Variants in MNS1 observed in about 807,000 individuals in gnomAD.
The protein encoded by MNS1 is meiosis specific nuclear structural 1.
A neutral mutation model predicts 72.0 loss-of-function variants in MNS1; 63 were observed. The ratio of observed to expected loss-of-function variants is 0.87; its 90% CI spans 0.71 to 1.08. MNS1 has a LOEUF of 1.08. Ranked by LOEUF, MNS1 falls within the 50% of genes least tolerant of loss-of-function variation. The pLI is 0.00. For missense variants in MNS1, 604 were observed against 562.4 expected (o/e 1.07, Z -0.75); for synonymous variants, 188 against 172.1 (o/e 1.09, Z -0.72).
intron 8 of MNS1, among the ~76,000 whole-genome samples, chr15:56,433,832 C>T (rs1186028798): frequency 2.0e-5 from 3 of 152,142 alleles, no homozygotes; most frequent in Non-Finnish European, 2.9e-5. Flanking sequence ...CCTATTATCA[C>T]ATGTACATGA....
intron 2 of MNS1, among the ~76,000 whole-genome samples, chr15:56,462,698 A>T (rs2051031083): frequency 6.6e-6 from 1 of 152,242 alleles, no homozygotes; most frequent in African/African-American, 2.4e-5. Context: ...AATACACCGT[A>T]TGAATGTTCC....
intron 2 of MNS1, among the ~76,000 whole-genome samples, chr15:56,458,385 C>T (rs542256999): frequency 6.6e-6 from 1 of 152,290 alleles, no homozygotes; most frequent in South Asian, 2.1e-4. Context: ...GCTCAGCTTC[C>T]CCTTCTATCA....
At chr15:56,442,639 T>C (rs1257445425) in intron 7 of MNS1, among the ~76,000 whole-genome samples, 1 of 152,182 alleles carries the variant, frequency 6.6e-6, no homozygotes, top group Non-Finnish European at 1.5e-5. Context: ...AATGCAGGGA[T>C]AGAAAACCAA....
At chr15:56,445,514 T>C (rs2050891884) in intron 4 of MNS1, among the ~76,000 whole-genome samples, 1 of 152,168 alleles carries the variant, frequency 6.6e-6, no homozygotes, top group African/African-American at 2.4e-5. Context: ...CACTGAAGCC[T>C]TTAACATATA....
chr15:56,458,660 A>G (rs187544908), intron 2 of MNS1, among the ~76,000 whole-genome samples: 1 of 152,134 alleles, frequency 6.6e-6, no homozygotes, highest in Non-Finnish European at 1.5e-5. Flanking sequence ...TACTGTTTCC[A>G]TAGTTTTGCC....
intron 7 of MNS1, among the ~76,000 whole-genome samples, chr15:56,442,465 A>G (rs190580590): frequency 6.6e-6 from 1 of 152,332 alleles, no homozygotes; most frequent in East Asian, 1.9e-4. Flanking sequence ...ACTATTCACA[A>G]TGGCAAAGAT....
intron 2 of MNS1, among the ~76,000 whole-genome samples, chr15:56,460,831 A>G (rs1380799873): frequency 6.6e-6 from 1 of 152,184 alleles, no homozygotes; most frequent in African/African-American, 2.4e-5. Context: ...GTGTAGGACA[A>G]AAAATATAAG....
chr15:56,435,573 T>C (rs1321880426), intron 7 of MNS1, among the ~76,000 whole-genome samples: 1 of 152,008 alleles, frequency 6.6e-6, no homozygotes, highest in Non-Finnish European at 1.5e-5. Context: ...GCAACTTAGA[T>C]GAAATGGATC....
chr15:56,443,752 C>T lies in MNS1; in HGVS notation c.789G>A (p.Met263Ile). The change falls in exon 6 of 10, where the codon ATG becomes ATA. Residue 263 changes from methionine (M) to isoleucine (I), a missense_variant. Physicochemically the swap from Met to Ile is conservative, Grantham distance 10. Transcript: ENST00000260453. ...CTATGATTTTTCTGTTTTCTTCTTC[C>T]ATCTCCTCACGTTTCTTTTTTCTCC... ...ALWRKKKREE[M>I]EEENRKIIEF... is the part of the protein sequence containing the mutation. 1 of 1,613,154 alleles carries T rather than the reference C, an allele frequency of 6.2e-7. No homozygotes were observed. Among genetic ancestry groups the T allele is most frequent in the Non-Finnish European group, 8.5e-7 (1 of 1,179,708 alleles).
intron 2 of MNS1, 112 bp from the exon 3 acceptor site, chr15:56,456,633 A>G (rs1283762443): frequency 2.9e-6 from 3 of 1,040,586 alleles, no homozygotes; most frequent in East Asian, 5.1e-5. Flanking sequence ...ACAATTGATG[A>G]TGTTTTATTT....
At chr15:56,457,700 G>A (rs948986085) in intron 2 of MNS1, among the ~76,000 whole-genome samples, 2 of 151,854 alleles carry the variant, frequency 1.3e-5, no homozygotes, top group African/African-American at 2.4e-5. Context: ...TGTAGTTCTA[G>A]CTGTATCAGG....
rs370107961 is a variant in MNS1, at chr15:56,443,785, C to T, written c.756G>A (p.Gln252=). The part of the protein sequence containing the change: ...RRYIEEFQKE[Q]ALWRKKKREE... ...CACGTTTCTTTTTTCTCCAGAGAGC[C>T]TGCTCTTTCTGAAACTCTTCTATAT... Residue 252 remains glutamine, a synonymous_variant, in exon 6 of 10, where the codon CAG becomes CAA. Transcript: ENST00000260453. The T allele has an allele frequency of 4.7e-5, 75 of 1,612,752 alleles. No homozygotes were observed. The highest frequency in any genetic ancestry group is 6.0e-5 in the Non-Finnish European group (71 of 1,179,584).
intron 2 of MNS1, among the ~76,000 whole-genome samples, chr15:56,458,850 A>G (rs1389965816): frequency 6.6e-6 from 1 of 152,188 alleles, no homozygotes; most frequent in East Asian, 1.9e-4. Flanking sequence ...TCCATTATCT[A>G]CTGAAGGACA....
In MNS1 at chr15:56,461,975, G is replaced by GTTTTTTT. The variant is rs56022687; in HGVS notation, c.225+2044_225+2050dup. Among the ~76,000 whole-genome samples, 71 of 97,882 alleles carry GTTTTTTT rather than the reference G, an allele frequency of 7.3e-4. 1 individual carries two copies. Among genetic ancestry groups the GTTTTTTT allele is most frequent in the Non-Finnish European group, 1.2e-3 (59 of 47,982 alleles). 64.2% of individuals were successfully genotyped at this position (97,882 alleles called of 152,430 possible). ...AATAACAAAGTGTTTTTTTGTTGTTGTTTTTTTTTTTTTTTTTTTTTTTTT... is the reference window on the plus strand; with the variant it reads ...AATAACAAAGTGTTTTTTTGTTGTTGTTTTTTTTTTTTTTTTTTTTTTTTTTTTTTTT... On this transcript the variant is annotated intron_variant, in intron 2 of 9. Coordinates refer to ENST00000260453, the MANE Select transcript of MNS1 (RefSeq NM_018365.4).
intron 7 of MNS1, among the ~76,000 whole-genome samples, chr15:56,440,128 G>A (rs2050794581): frequency 6.6e-6 from 1 of 152,042 alleles, no homozygotes; most frequent in South Asian, 2.1e-4. Flanking sequence ...TCATCAAAGA[G>A]GATCTTACAC....
chr15:56,462,784 G>A (rs1240011298), intron 2 of MNS1, among the ~76,000 whole-genome samples: 1 of 152,206 alleles, frequency 6.6e-6, no homozygotes, highest in East Asian at 1.9e-4. Context: ...TATGGAATGG[G>A]TGAGATAATA....
intron 7 of MNS1, among the ~76,000 whole-genome samples, chr15:56,434,915 A>G (rs1330450769): frequency 1.3e-5 from 2 of 152,134 alleles, no homozygotes; most frequent in Non-Finnish European, 2.9e-5. Flanking sequence ...GACAATCAGT[A>G]CTTCTTTAGG....
At chr15:56,451,687 G>A (rs534297496) in intron 3 of MNS1, among the ~76,000 whole-genome samples, 1 of 151,936 alleles carries the variant, frequency 6.6e-6, no homozygotes, top group South Asian at 2.1e-4. Context: ...TTACAATGGT[G>A]AGAAAACCAT....
intron 2 of MNS1, 26 bp downstream of exon 2, chr15:56,464,000 A>G (rs1596270601): frequency 6.4e-7 from 1 of 1,566,988 alleles, no homozygotes. Flanking sequence ...ATGAAAAAAA[A>G]AGTAACAATG....
Sources: allele counts gnomAD v4.1 joint callset (sites outside exome capture counted in the v4.1 genomes callset), GRCh38; gene constraint gnomAD v4.1.1; transcripts MANE v1.5; gene names NCBI Gene and HGNC (gene_info 2026-07-23, HGNC 2026-07-21).